The following ADD1 variants were observed in gnomAD, a reference collection of about 807,000 sequenced individuals.
ADD1 encodes adducin 1, also known as alpha-adducin.
A neutral mutation model predicts 80.5 loss-of-function variants in ADD1; 24 were observed. The ratio of observed to expected loss-of-function variants is 0.30; its 90% CI spans 0.22 to 0.42. The LOEUF (loss-of-function observed/expected upper bound fraction) is 0.42, where lower values mean the gene tolerates loss of function less well. Among genes scored for constraint, ADD1 ranks in the 10% least tolerant of loss-of-function variants. The pLI is 1.00. For synonymous variants in ADD1, 373 were observed against 393.8 expected, an observed-to-expected ratio of 0.95 and a Z score of 0.63; for missense variants, 948 against 1,019.0, an observed-to-expected ratio of 0.93 and a Z score of 0.95.
rs909083654 is a variant in ADD1, at chr4:2,929,863, C to G, written c.*1340C>G. 6.6e-6 allele frequency: 1 copy of G among 152,654 alleles called. No individual in the cohort carries two copies. Among genetic ancestry groups the G allele is most frequent in the Non-Finnish European group, 1.5e-5 (1 of 68,060 alleles). The allele number at this position is 152,654 out of a possible 1,614,324, so 9.5% of individuals were successfully genotyped here. ...TTGTTGCCAAGGCAGAATGAAAAGT[C>G]CTTAACCGTGGACTCTTCCTTTATC... On this transcript the variant is annotated 3_prime_UTR_variant, in exon 16 of 16. Coordinates refer to ENST00000683351, the MANE Select transcript of ADD1 (RefSeq NM_001354761.2).
At chr4:2,918,866 T>C (rs1210377286) in intron 14 of ADD1, among the ~76,000 whole-genome samples, 1 of 151,918 alleles carries the variant, frequency 6.6e-6, no homozygotes, top group Non-Finnish European at 1.5e-5. Flanking sequence ...TTTTTTTCTT[T>C]CCTGAGACGG....
chr4:2,903,062 A>T (rs962132774), intron 9 of ADD1: 2 of 152,058 alleles, frequency 1.3e-5, no homozygotes, highest in Admixed American at 1.3e-4. Flanking sequence ...TAAAAAAAAT[A>T]TTGAAAGAGT....
At chr4:2,894,371 A>C (rs1364938452) in intron 5 of ADD1, among the ~76,000 whole-genome samples, 2 of 152,118 alleles carry the variant, frequency 1.3e-5, no homozygotes, top group African/African-American at 2.4e-5. Flanking sequence ...AGCCTGGCCA[A>C]CATGGCGGTA....
intron 14 of ADD1, among the ~76,000 whole-genome samples, chr4:2,917,107 C>T (rs1480873033): frequency 6.6e-6 from 1 of 152,218 alleles, no homozygotes; most frequent in East Asian, 1.9e-4. Flanking sequence ...GAGGAATCGC[C>T]ACACTGCCTT....
intron 1 of ADD1, 122 bp from the exon 2 acceptor site, chr4:2,875,774 A>T: frequency 2.5e-6 from 2 of 787,896 alleles, no homozygotes; most frequent in Admixed American, 2.9e-5. Flanking sequence ...CATGGTTTCC[A>T]CTGTCAGTTG....
chr4:2,923,264 G>A (rs1740379994), intron 14 of ADD1, among the ~76,000 whole-genome samples: 2 of 152,240 alleles, frequency 1.3e-5, no homozygotes, highest in African/African-American at 4.8e-5. Flanking sequence ...GGGTCCTGGT[G>A]TCATGGGCAG....
At chr4:2,886,886 G>A (rs1279849670) in intron 4 of ADD1, among the ~76,000 whole-genome samples, 1 of 152,176 alleles carries the variant, frequency 6.6e-6, no homozygotes, top group Non-Finnish European at 1.5e-5. Context: ...GTTGCCTGAA[G>A]ATCAGTGCGG....
intron 9 of ADD1, chr4:2,901,600 T>C (rs1577642792): frequency 6.6e-6 from 1 of 152,184 alleles, no homozygotes; most frequent in African/African-American, 2.4e-5. Context: ...GGGGTTGGCA[T>C]ATATGTTGTT....
chr4:2,880,666 G>A (rs1337996896), intron 2 of ADD1, among the ~76,000 whole-genome samples: 1 of 151,378 alleles, frequency 6.6e-6, no homozygotes, highest in Non-Finnish European at 1.5e-5. Context: ...TAGTAGAGAC[G>A]GGGTTTCACC....
intron 14 of ADD1, among the ~76,000 whole-genome samples, chr4:2,922,051 T>C (rs1454581908): frequency 6.6e-6 from 1 of 152,020 alleles, no homozygotes; most frequent in Non-Finnish European, 1.5e-5. Flanking sequence ...TTTTTCAAGG[T>C]TCTTAGCCTC....
At chr4:2,852,370 A>C (rs1577421563) in intron 1 of ADD1, among the ~76,000 whole-genome samples, 1 of 122,488 alleles carries the variant, frequency 8.2e-6, no homozygotes. Flanking sequence ...TCTTTCGCCC[A>C]GGCTGGAGTA....
At chr4:2,919,450 T>G (rs1360445840) in intron 14 of ADD1, among the ~76,000 whole-genome samples, 2 of 152,228 alleles carry the variant, frequency 1.3e-5, no homozygotes, top group African/African-American at 4.8e-5. Context: ...AATCTGGCTG[T>G]GAATCCGTCT....
At chr4:2,894,154 C>G (rs756052349) in intron 5 of ADD1, 61 bp downstream of exon 5, 278 of 1,319,382 alleles carry the variant, frequency 2.1e-4, no homozygotes, top group Middle Eastern at 3.6e-4. Context: ...CATTCAACAT[C>G]TTCAGATCAG....
chr4:2,852,848 C>T (rs1193874977), intron 1 of ADD1, among the ~76,000 whole-genome samples: 1 of 151,874 alleles, frequency 6.6e-6, no homozygotes, highest in African/African-American at 2.4e-5. Flanking sequence ...TGCAGACCCA[C>T]CCCACCACAC....
At position 2,929,911 on chromosome 4, in the gene ADD1, A is replaced by AATG. The variant is rs1252490100; in HGVS notation, c.*1390_*1392dup. 4 of 152,658 alleles carry AATG rather than the reference A, an allele frequency of 2.6e-5. No individual in the cohort carries two copies. Among genetic ancestry groups the AATG allele is most frequent in the African/African-American group, 4.8e-5 (2 of 41,460 alleles). 9.5% of individuals were successfully genotyped at this position (152,658 alleles called of 1,614,324 possible). On this transcript the variant is annotated 3_prime_UTR_variant, in exon 16 of 16. Transcript: ENST00000683351. ...ATCCCCTCCTTTACCCCACATATGC[A>AATG]ATGACTTTTAATTTTCACTTTTGTA...
At chr4:2,856,059 A>G (rs1027993211) in intron 1 of ADD1, among the ~76,000 whole-genome samples, 1 of 149,860 alleles carries the variant, frequency 6.7e-6, no homozygotes, top group Non-Finnish European at 1.5e-5. Context: ...CTTTTTTAAA[A>G]AAAAAAAAAA....
chr4:2,889,677 G>T (rs1413736380), intron 4 of ADD1, among the ~76,000 whole-genome samples: 1 of 152,006 alleles, frequency 6.6e-6, no homozygotes, highest in East Asian at 1.9e-4. Flanking sequence ...CAAAAAATTT[G>T]GCCAGGCATG....
rs191637709 is a variant in ADD1 at position 2,922,584 on chromosome 4, G to A, written c.1949-3430G>A. Among the ~76,000 whole-genome samples, 296 of 152,346 alleles carry A rather than the reference G, an allele frequency of 1.9e-3. 3 individuals are homozygous for A. The Middle Eastern group carries it at 0.034, about 18-fold the overall frequency. ...TATGAGGTGTCTGTTGACCCCTGCC[G>A]GGAGGTGTCTCCCAGTCAGGAGGCA... On this transcript the variant is annotated intron_variant, in intron 14 of 15. Coordinates refer to ENST00000683351, the MANE Select transcript of ADD1 (RefSeq NM_001354761.2).
chr4:2,912,398 A>C (rs1162191478), intron 13 of ADD1, among the ~76,000 whole-genome samples: 2 of 152,084 alleles, frequency 1.3e-5, no homozygotes, highest in Non-Finnish European at 2.9e-5. Flanking sequence ...GGAGCTCTCC[A>C]CCACTGGGGA....
Sources: allele counts gnomAD v4.1 joint callset (sites outside exome capture counted in the v4.1 genomes callset), GRCh38; gene constraint gnomAD v4.1.1; transcripts MANE v1.5; gene names NCBI Gene and HGNC (gene_info 2026-07-23, HGNC 2026-07-21).